ACTR6: variants seen among roughly 807,000 people sequenced by gnomAD.
ACTR6 encodes the protein actin-related protein 6.
A neutral mutation model predicts 52.5 loss-of-function variants in ACTR6; 50 were observed. That is an observed-to-expected ratio of 0.95 (90% confidence interval 0.76 to 1.20). The LOEUF (loss-of-function observed/expected upper bound fraction) is 1.20, where lower values mean the gene tolerates loss of function less well. ACTR6 is among the 50% of genes most tolerant of loss of function. The pLI is 0.00. For synonymous variants in ACTR6, 135 were observed against 147.2 expected, an observed-to-expected ratio of 0.92 and a Z score of 0.60; for missense variants, 344 against 472.4, an observed-to-expected ratio of 0.73 and a Z score of 2.52.
At position 100,210,149 on chromosome 12, in the gene ACTR6, T is replaced by C; in HGVS notation, c.456T>C (p.Tyr152=). ...ELCCIIVDSG[Y]SFTHIVPYCR... ...GCTGTATCATTGTTGATAGTGGATA[T>C]TCCTTTACACATATAGTTCCTTATT... Residue 152 remains tyrosine, a synonymous_variant, in exon 5 of 11, where the codon TAT becomes TAC. Transcript: ENST00000188312. The C allele has an allele frequency of 6.2e-7, 1 of 1,610,032 alleles. No individual in the cohort carries two copies. The highest frequency in any genetic ancestry group is 1.7e-5 in the Admixed American group (1 of 59,858).
At chr12:100,215,987 A>C (rs2096123608) in intron 8 of ACTR6, among the ~76,000 whole-genome samples, 1 of 152,340 alleles carries the variant, frequency 6.6e-6, no homozygotes, top group Non-Finnish European at 1.5e-5. Context: ...ATCATTACAG[A>C]TAACAACCAA....
Position 100,210,208 on chromosome 12 carries a change from G to A in ACTR6, c.515G>A (p.Arg172Gln), listed in dbSNP as rs1168957423. 2 of 1,601,852 alleles carry A rather than the reference G, an allele frequency of 1.2e-6. No individual in the cohort carries two copies. The highest frequency in any genetic ancestry group is 1.1e-5 in the South Asian group (1 of 89,314). The change falls in exon 5 of 11, where the codon CGG (arginine) becomes CAG (glutamine). Residue 172 changes from arginine to glutamine, a missense_variant and splice_region_variant. Arg to Gln is a conservative substitution (Grantham distance 43, BLOSUM62 1). Coordinates refer to ENST00000188312, the MANE Select transcript of ACTR6 (RefSeq NM_022496.5). ...RSKKKKEAIIRINVGGKLLTN... is the reference protein window; with the variant it reads ...RSKKKKEAIIQINVGGKLLTN... The stretch of plus-strand genomic sequence containing the variant: ...AAAAAGAAAAAAGAAGCAATTATTC[G>A]GTGAGTTGTATTTAATTTTCATGTT...
At chr12:100,212,580 C>A in intron 8 of ACTR6, 52 bp downstream of exon 8, 2 of 1,390,710 alleles carry the variant, frequency 1.4e-6, no homozygotes, top group Non-Finnish European at 2.0e-6. Context: ...TGTCTATAAT[C>A]CCAGCACTTG....
intron 2 of ACTR6, 154 bp from the exon 3 acceptor site, chr12:100,205,522 G>T (rs1055289985): frequency 6.8e-6 from 3 of 438,320 alleles, no homozygotes; most frequent in Non-Finnish European, 1.2e-5. Flanking sequence ...TTAAAAAAAA[G>T]AAATTCATAC....
At position 100,207,805 on chromosome 12, in the gene ACTR6, T is replaced by G. The variant is rs1208851487; in HGVS notation, c.379+19T>G. On this transcript the variant is annotated intron_variant, in intron 4 of 10. Coordinates refer to ENST00000188312, the MANE Select transcript of ACTR6 (RefSeq NM_022496.5). ...GTAAATGGTGAGTTCAAGTTTTCAC[T>G]GAAATTGAGTTATATGACTATGGAT... is the stretch of plus-strand genomic sequence containing the variant. 1.9e-6 allele frequency: 3 copies of G among 1,586,022 alleles called. No homozygotes were observed. The highest frequency in any genetic ancestry group is 2.6e-6 in the Non-Finnish European group (3 of 1,160,266).
At chr12:100,211,740 G>A (rs546308971) in intron 6 of ACTR6, among the ~76,000 whole-genome samples, 1 of 152,210 alleles carries the variant, frequency 6.6e-6, no homozygotes, top group South Asian at 2.1e-4. Flanking sequence ...ATGGCCAGGT[G>A]CAGTGGCTCG....
intron 10 of ACTR6, among the ~76,000 whole-genome samples, chr12:100,220,822 C>G (rs925246768): frequency 1.3e-5 from 2 of 151,888 alleles, no homozygotes; most frequent in East Asian, 3.9e-4. Context: ...TGGTGAAGCC[C>G]CGTCTCTACA....
At chr12:100,215,780 A>G (rs746256558) in intron 8 of ACTR6, among the ~76,000 whole-genome samples, 19 of 152,188 alleles carry the variant, frequency 1.2e-4, no homozygotes, top group Non-Finnish European at 2.5e-4. Context: ...TATTTTATAT[A>G]TTGGAATTTT....
chr12:100,207,915 G>GT, intron 4 of ACTR6, 129 bp downstream of exon 4: 1 of 1,012,370 alleles, frequency 9.9e-7, no homozygotes, highest in Non-Finnish European at 1.5e-6. Flanking sequence ...AACCCCATCA[G>GT]TTTGGGAGGC....
intron 1 of ACTR6, among the ~76,000 whole-genome samples, chr12:100,203,038 A>G (rs2153899824): frequency 6.6e-6 from 1 of 152,302 alleles, no homozygotes; most frequent in South Asian, 2.1e-4. Flanking sequence ...AAAAAAGTGC[A>G]CAAACTATAT....
intron 9 of ACTR6, 65 bp from the exon 10 acceptor site, chr12:100,219,943 T>C: frequency 2.6e-6 from 4 of 1,557,032 alleles, no homozygotes; most frequent in South Asian, 1.2e-5. Flanking sequence ...TCCACATCTT[T>C]CCAGAAAAGT....
At chr12:100,212,671 T>G (rs1468842372) in intron 8 of ACTR6, 143 bp downstream of exon 8, 2 of 595,762 alleles carry the variant, frequency 3.4e-6, no homozygotes, top group African/African-American at 3.8e-5. Flanking sequence ...AAAAAAAAAA[T>G]CAGTGATATT....
At chr12:100,205,513 TA>T (rs972206284) in intron 2 of ACTR6, 162 bp from the exon 3 acceptor site, 22 of 420,494 alleles carry the variant, frequency 5.2e-5, no homozygotes, top group South Asian at 8.7e-5. Context: ...TTTTTTAAAT[TA>T]AAAAAAAGAA....
At chr12:100,208,479 T>TGGTCA (rs2153900236) in intron 4 of ACTR6, among the ~76,000 whole-genome samples, 1 of 152,122 alleles carries the variant, frequency 6.6e-6, no homozygotes, top group Non-Finnish European at 1.5e-5. Context: ...TTAACCATGT[T>TGGTCA]GGTCAGGCTG....
intron 3 of ACTR6, among the ~76,000 whole-genome samples, chr12:100,207,352 G>A (rs892763272): frequency 2.0e-5 from 3 of 152,068 alleles, no homozygotes; most frequent in Non-Finnish European, 4.4e-5. Flanking sequence ...TTACAGGTAT[G>A]AGCCACTGTG....
chr12:100,202,485 AT>A (rs765939583), intron 1 of ACTR6, among the ~76,000 whole-genome samples: 1 of 152,150 alleles, frequency 6.6e-6, no homozygotes, highest in Admixed American at 6.6e-5. Flanking sequence ...GGTGTAAAAC[AT>A]TTTTTTACAG....
At chr12:100,212,632 A>G in intron 8 of ACTR6, 104 bp downstream of exon 8, 1 of 750,762 alleles carries the variant, frequency 1.3e-6, no homozygotes, top group East Asian at 2.5e-5. Context: ...CTGGGCAACA[A>G]AGCAAGCCCC....
In ACTR6 at chr12:100,200,909, G is replaced by GA. The variant is rs766187704; in HGVS notation, c.62dup (p.Asn21LysfsTer7). ...CAACGCCAAAATCGGTTACAGCCAT[G>GA]AAAATGTGTCGTAAGTACTTTCTTT... is the stretch of plus-strand genomic sequence containing the variant. On this transcript the variant is annotated frameshift_variant, in exon 1 of 11. Coordinates refer to ENST00000188312, the MANE Select transcript of ACTR6 (RefSeq NM_022496.5). LOFTEE classifies it high-confidence loss of function. The GA allele has an allele frequency of 1.2e-6, 2 of 1,614,166 alleles. No individual in the cohort carries two copies. Among genetic ancestry groups the GA allele is most frequent in the Non-Finnish European group, 1.7e-6 (2 of 1,180,008 alleles).
intron 8 of ACTR6, among the ~76,000 whole-genome samples, chr12:100,214,342 G>A (rs1207934304): frequency 1.3e-5 from 2 of 152,074 alleles, no homozygotes; most frequent in Non-Finnish European, 2.9e-5. Context: ...AAACAAAAGT[G>A]AATTTTTTTG....
Sources: gnomAD v4.1 joint callset for allele counts (sites outside exome capture counted in the v4.1 genomes callset) on GRCh38, gnomAD v4.1.1 for gene constraint, MANE v1.5 for transcripts, NCBI Gene and HGNC (gene_info 2026-07-23, HGNC 2026-07-21) for gene names.